Variants in LAMA4 observed in about 807,000 individuals in gnomAD.
LAMA4 encodes the protein laminin subunit alpha-4.
Under a neutral mutation model 207.1 loss-of-function variants are expected in LAMA4, and 127 were observed. That is an observed-to-expected ratio of 0.61 (90% CI 0.53 to 0.71). LAMA4 has a LOEUF of 0.71. Among genes scored for constraint, LAMA4 ranks in the 30% least tolerant of loss-of-function variants. The pLI is 0.00. For missense variants in LAMA4, 2,093 were observed against 2,246.5 expected (o/e 0.93, Z 1.38); for synonymous variants, 761 against 816.0 (o/e 0.93, Z 1.15).
intron 9 of LAMA4, among the ~76,000 whole-genome samples, chr6:112,180,366 A>G (rs1782286046): frequency 6.6e-6 from 1 of 152,208 alleles, no homozygotes; most frequent in African/African-American, 2.4e-5. Context: ...AGTGGCAAAG[A>G]GGAACATCTA....
chr6:112,235,465 G>A (rs9398302), intron 2 of LAMA4, among the ~76,000 whole-genome samples: 10,893 of 152,146 alleles, frequency 0.072, 648 homozygotes, highest in East Asian at 0.25. Flanking sequence ...AAGTGCCAGA[G>A]TGGACCACTT....
At chr6:112,245,314 T>C (rs1281840462) in intron 2 of LAMA4, among the ~76,000 whole-genome samples, 1 of 152,202 alleles carries the variant, frequency 6.6e-6, no homozygotes, top group South Asian at 2.1e-4. Flanking sequence ...TAGAGGGTTC[T>C]ATAGTCCTAG....
At chr6:112,243,303 G>A (rs1786661027) in intron 2 of LAMA4, among the ~76,000 whole-genome samples, 1 of 152,110 alleles carries the variant, frequency 6.6e-6, no homozygotes, top group Non-Finnish European at 1.5e-5. Flanking sequence ...ACAGGCCAGG[G>A]CCCTGTGTTT....
chr6:112,254,588 C>T (rs1195780467), upstream of LAMA4: 21 of 224,084 alleles, frequency 9.4e-5, no homozygotes, highest in Non-Finnish European at 1.7e-4. Flanking sequence ...TCACCACTCC[C>T]TTTTTACCTT....
At chr6:112,244,400 C>G (rs1050372682) in intron 2 of LAMA4, among the ~76,000 whole-genome samples, 1 of 152,202 alleles carries the variant, frequency 6.6e-6, no homozygotes, top group Admixed American at 6.5e-5. Flanking sequence ...TTCCCCATCC[C>G]TTTCCTGGAA....
chr6:112,128,870 T>C, intron 31 of LAMA4, 52 bp downstream of exon 31: 1 of 1,503,276 alleles, frequency 6.7e-7, no homozygotes, highest in Non-Finnish European at 9.3e-7. Flanking sequence ...TCTAGAACTG[T>C]GTGCATGGAA....
chr6:112,137,554 A>C (rs1205402944), intron 24 of LAMA4, among the ~76,000 whole-genome samples: 2 of 152,248 alleles, frequency 1.3e-5, no homozygotes. Context: ...GGGGTTCCAC[A>C]CTTGAAGAGT....
At chr6:112,201,352 A>T (rs782216023) in intron 5 of LAMA4, among the ~76,000 whole-genome samples, 45 of 152,208 alleles carry the variant, frequency 3.0e-4, no homozygotes, top group Non-Finnish European at 5.9e-4. Flanking sequence ...ACACATCCTC[A>T]ATTTCCTTTT....
Position 112,109,577 on chromosome 6 carries a change from G to C in LAMA4, c.5332C>G (p.Leu1778Val). Residue 1778 changes from leucine to valine, a missense_variant, in exon 39 of 39, where the codon CTA (leucine) becomes GTA (valine). Leu to Val is a conservative substitution (Grantham distance 32, BLOSUM62 1). Transcript: ENST00000230538. ...CTGGGGGCCAAGCGTGGTGTCAGTA[G>C]AGATTCTGAAAAGAGCAAGAAATAA... ...PVFVGGVPES[L>V]LTPRLAPSKP... 1 of 1,614,080 alleles carries C rather than the reference G, an allele frequency of 6.2e-7. No individual in the cohort carries two copies. The highest frequency in any genetic ancestry group is 8.5e-7 in the Non-Finnish European group (1 of 1,179,968).
chr6:112,190,953 TTTC>T (rs1554348738), intron 6 of LAMA4, among the ~76,000 whole-genome samples: 9 of 117,930 alleles, frequency 7.6e-5, no homozygotes, highest in Non-Finnish European at 1.4e-4. Context: ...CTTTCCTTTC[TTTC>T]TTTCTTTCTT....
At chr6:112,159,006 A>T in intron 13 of LAMA4, 126 bp from the exon 14 acceptor site, 1 of 696,124 alleles carries the variant, frequency 1.4e-6, no homozygotes, top group Admixed American at 2.3e-5. Flanking sequence ...GCAGGACCAC[A>T]TAAGTCTAAA....
At chr6:112,160,875 A>C (rs1284188129) in intron 13 of LAMA4, among the ~76,000 whole-genome samples, 1 of 152,178 alleles carries the variant, frequency 6.6e-6, no homozygotes, top group African/African-American at 2.4e-5. Context: ...AGAAAATCTG[A>C]CCATGTTATT....
At chr6:112,155,233 T>C in intron 15 of LAMA4, 1 of 565,806 alleles carries the variant, frequency 1.8e-6, no homozygotes, top group East Asian at 3.0e-5. Context: ...CAATAAATAA[T>C]TTTGAGTTGA....
rs139730568 is a variant in LAMA4, at chr6:112,172,640, C to T, written c.1522G>A (p.Ala508Thr). 164 of 1,612,990 alleles carry T rather than the reference C, an allele frequency of 1.0e-4. No individual in the cohort carries two copies. The highest frequency in any genetic ancestry group is 1.4e-4 in the Non-Finnish European group (161 of 1,180,020). Reference sequence around the variant, plus strand: ...TGGTCCCGCTGCCTGGCTGCTGTGGCCCTGTTCATGTCTTCGGCATCCCTG... The same window carrying T: ...TGGTCCCGCTGCCTGGCTGCTGTGGTCCTGTTCATGTCTTCGGCATCCCTG... The part of the protein sequence containing the change: ...YVRDAEDMNR[A>T]TAARQRDHEK... Residue 508 changes from alanine to threonine, a missense_variant, in exon 12 of 39, where the codon GCC (alanine) becomes ACC (threonine). Transcript: ENST00000230538.
intron 2 of LAMA4, among the ~76,000 whole-genome samples, chr6:112,230,600 G>A (rs1252621946): frequency 6.6e-6 from 1 of 152,082 alleles, no homozygotes; most frequent in Non-Finnish European, 1.5e-5. Context: ...CTTCTTTTTG[G>A]ACTTGTCTGT....
chr6:112,184,544 C>T (rs1782571081), intron 9 of LAMA4, among the ~76,000 whole-genome samples: 1 of 152,084 alleles, frequency 6.6e-6, no homozygotes, highest in East Asian at 1.9e-4. Context: ...ATATTTTTCT[C>T]TGTCTAGTTG....
In LAMA4 at chr6:112,216,419, G is replaced by A. The variant is rs782536594; in HGVS notation, c.246C>T (p.Cys82=). The A allele has an allele frequency of 5.0e-6, 8 of 1,613,978 alleles. No homozygotes were observed. Among genetic ancestry groups the A allele is most frequent in the East Asian group, 2.2e-5 (1 of 44,870 alleles). Reference sequence around the variant, plus strand: ...ACTCGTTGGAATTGCCATTACAGTCGCAGGGCACACATTCTCCCGACAGGG... The same window carrying A: ...ACTCGTTGGAATTGCCATTACAGTCACAGGGCACACATTCTCCCGACAGGG... ...FHTLSGECVP[C]DCNGNSNECL... is the part of the protein sequence containing the mutation. Residue 82 remains cysteine, a synonymous_variant, in exon 3 of 39, where the codon TGC becomes TGT. Transcript: ENST00000230538.
At chr6:112,227,587 G>A (rs1399666443) in intron 2 of LAMA4, among the ~76,000 whole-genome samples, 1 of 152,156 alleles carries the variant, frequency 6.6e-6, no homozygotes, top group East Asian at 1.9e-4. Flanking sequence ...ACAATAGATT[G>A]AGACGCTTGT....
intron 3 of LAMA4, among the ~76,000 whole-genome samples, chr6:112,208,700 T>C (rs1190860186): frequency 3.3e-5 from 5 of 152,202 alleles, no homozygotes; most frequent in Admixed American, 6.5e-5. Flanking sequence ...TGAGCTTCAA[T>C]TGAAATATAA....
Sources: allele counts gnomAD v4.1 joint callset (sites outside exome capture counted in the v4.1 genomes callset), GRCh38; gene constraint gnomAD v4.1.1; transcripts MANE v1.5; gene names NCBI Gene and HGNC (gene_info 2026-07-23, HGNC 2026-07-21).